Variants in SHANK2 observed in about 807,000 individuals in gnomAD.
SHANK2 encodes the protein SH3 and multiple ankyrin repeat domains 2.
Under a neutral mutation model 133.7 loss-of-function variants are expected in SHANK2, and 43 were observed. The observed-to-expected ratio is 0.32, with a 90% CI of 0.25 to 0.41. The LOEUF (loss-of-function observed/expected upper bound fraction) is 0.41. SHANK2 is among the 10% of genes least tolerant of loss of function. The pLI is 1.00. For synonymous variants in SHANK2, 1,017 were observed against 952.8 expected, an observed-to-expected ratio of 1.07 and a Z score of -1.24; for missense variants, 1,994 against 2,235.8, an observed-to-expected ratio of 0.89 and a Z score of 2.18.
intron 21 of SHANK2, among the ~76,000 whole-genome samples, chr11:70,497,774 CGAG>C (rs1439465538): frequency 5.3e-5 from 8 of 152,228 alleles, no homozygotes; most frequent in African/African-American, 1.9e-4. Context: ...GTCACCAAAT[CGAG>C]GAGTGACACG....
chr11:71,196,882 C>T (rs1953915266), intron 2 of SHANK2, among the ~76,000 whole-genome samples: 3 of 151,648 alleles, frequency 2.0e-5, no homozygotes, highest in Non-Finnish European at 4.4e-5. Flanking sequence ...CCTATAATCC[C>T]AGCTACTCAG....
At chr11:70,952,237 G>A (rs1307525902) in intron 10 of SHANK2, among the ~76,000 whole-genome samples, 7 of 152,310 alleles carry the variant, frequency 4.6e-5, no homozygotes, top group Middle Eastern at 3.4e-3. Context: ...TCCTTGGGGC[G>A]TCTCTCCTGG....
At chr11:70,540,870 T>C (rs907355882) in intron 17 of SHANK2, among the ~76,000 whole-genome samples, 8 of 142,886 alleles carry the variant, frequency 5.6e-5, no homozygotes, top group Admixed American at 1.4e-4. Context: ...AACTCAGATA[T>C]AAAACTCAGC....
chr11:70,854,624 T>A (rs1320151293), intron 11 of SHANK2, among the ~76,000 whole-genome samples: 1 of 152,194 alleles, frequency 6.6e-6, no homozygotes, highest in Admixed American at 6.5e-5. Flanking sequence ...GGGAAGGAGA[T>A]GCAGAAGTGG....
In SHANK2 at chr11:70,535,226, T is replaced by G. The variant is rs1193372859; in HGVS notation, c.2062-32295A>C. ...CACCTAATCCATCTTCCCACATGAG[T>G]CAGTCCATCCATCGCTCTATCCATC... On this transcript the variant is annotated intron_variant, in intron 17 of 25. Transcript: ENST00000601538. This position sits in a 1 kb window ranked among gnomAD's most constrained non-coding sequence, Gnocchi z 4.3. Among the ~76,000 whole-genome samples the G allele has an allele frequency of 6.6e-6, 1 of 152,094 alleles. No homozygotes were observed. The highest frequency in any genetic ancestry group is 1.5e-5 in the Non-Finnish European group (1 of 68,022).
chr11:70,765,056 C>A (rs577596794), intron 14 of SHANK2, among the ~76,000 whole-genome samples: 69 of 152,284 alleles, frequency 4.5e-4, no homozygotes, highest in Admixed American at 7.8e-4. Context: ...CTGTTTTGAT[C>A]GGGGAGAGAA....
At chr11:70,523,699 C>T (rs530291332) in intron 17 of SHANK2, among the ~76,000 whole-genome samples, 4 of 152,292 alleles carry the variant, frequency 2.6e-5, no homozygotes, top group Non-Finnish European at 5.9e-5. Flanking sequence ...TGTCAGGAGG[C>T]GCTCGCTGCT....
At chr11:71,221,491 C>T (rs1279141387) in intron 2 of SHANK2, among the ~76,000 whole-genome samples, 1 of 152,152 alleles carries the variant, frequency 6.6e-6, no homozygotes, top group African/African-American at 2.4e-5. Context: ...GGAGCATATC[C>T]TCTTGGGTCA....
intron 17 of SHANK2, among the ~76,000 whole-genome samples, chr11:70,567,567 C>T (rs1250385410): frequency 6.6e-6 from 1 of 151,458 alleles, no homozygotes; most frequent in Non-Finnish European, 1.5e-5. Context: ...GTGGAGGTTG[C>T]AGTGAGCCAA....
intron 17 of SHANK2, among the ~76,000 whole-genome samples, chr11:70,636,989 T>G (rs1462437068): frequency 4.0e-5 from 1 of 25,168 alleles, no homozygotes; most frequent in Non-Finnish European, 1.1e-4. Flanking sequence ...TTTCTCTCAG[T>G]CTGGCGGCGG....
At chr11:71,237,973 C>T (rs1258682061) in intron 1 of SHANK2, among the ~76,000 whole-genome samples, 1 of 152,206 alleles carries the variant, frequency 6.6e-6, no homozygotes, top group African/African-American at 2.4e-5. Context: ...GGCCCCCTCC[C>T]AAGGGGCTCT....
intron 2 of SHANK2, among the ~76,000 whole-genome samples, chr11:71,202,640 C>A (rs1954039925): frequency 6.6e-6 from 1 of 152,160 alleles, no homozygotes; most frequent in African/African-American, 2.4e-5. Context: ...AGCCAGCACA[C>A]AGAGTCACTA....
intron 11 of SHANK2, among the ~76,000 whole-genome samples, chr11:70,858,408 C>T (rs984734617): frequency 1.3e-5 from 2 of 152,184 alleles, no homozygotes; most frequent in Non-Finnish European, 1.5e-5. Flanking sequence ...AGCCCATGGC[C>T]TCCTGTAGTC....
rs111858657 is a variant in SHANK2 at position 71,106,308 on chromosome 11, T to C, written c.592+3633A>G. ...CATAATTCTGCCTTAAATTTTAAAA[T>C]TGAAAATAAGAGGCTGGGCTCAGTG... On this transcript the variant is annotated intron_variant, in intron 6 of 25. Coordinates refer to ENST00000601538, the MANE Select transcript of SHANK2 (RefSeq NM_012309.5). Among the ~76,000 whole-genome samples the C allele has an allele frequency of 2.0e-3, 303 of 152,280 alleles. 2 individuals are homozygous for C. Among genetic ancestry groups the C allele is most frequent in the African/African-American group, 6.9e-3 (285 of 41,556 alleles).
chr11:70,675,076 G>A (rs1162526977), intron 15 of SHANK2, among the ~76,000 whole-genome samples: 1 of 152,204 alleles, frequency 6.6e-6, no homozygotes, highest in Non-Finnish European at 1.5e-5. Flanking sequence ...CAAGGAGAAC[G>A]CGTTTTAGAA....
chr11:71,105,141 C>T (rs1555097519), intron 6 of SHANK2, among the ~76,000 whole-genome samples: 1 of 152,122 alleles, frequency 6.6e-6, no homozygotes, highest in Non-Finnish European at 1.5e-5. Flanking sequence ...GAACATTATC[C>T]AGCACCAAAA....
At chr11:70,658,228 CACACACACACACACACAG>C (rs1565220293) in intron 17 of SHANK2, among the ~76,000 whole-genome samples, 72 of 113,910 alleles carry the variant, frequency 6.3e-4, no homozygotes, top group South Asian at 5.9e-3. Context: ...CACACACACA[CACACACACACACACACAG>C]ACACACACAC....
intron 3 of SHANK2, among the ~76,000 whole-genome samples, chr11:71,138,446 G>A (rs1422516860): frequency 6.6e-6 from 1 of 152,222 alleles, no homozygotes; most frequent in Non-Finnish European, 1.5e-5. Flanking sequence ...TGAAGGTGGA[G>A]GAGGTGAAAC....
chr11:71,075,416 C>T (rs921336426), intron 8 of SHANK2, 141 bp from the exon 9 acceptor site: 2,571 of 158,532 alleles, frequency 0.016, 42 homozygotes, highest in Middle Eastern at 0.061. Context: ...ACCACCCACC[C>T]ACCATCTGGG....
Sources: allele counts gnomAD v4.1 joint callset (sites outside exome capture counted in the v4.1 genomes callset), GRCh38; gene constraint gnomAD v4.1.1; non-coding constraint Gnocchi (gnomAD v3.1); transcripts MANE v1.5; gene names NCBI Gene and HGNC (gene_info 2026-07-23, HGNC 2026-07-21).